Variants in ZFR2 observed in about 807,000 individuals in gnomAD.
ZFR2 encodes zinc finger RNA binding protein 2, also known as zinc finger RNA-binding protein 2.
In ZFR2, 104 loss-of-function variants were observed where a neutral mutation model predicts 105.7. That is an observed-to-expected ratio of 0.98 (90% CI 0.84 to 1.16). The LOEUF is 1.16. Among genes scored for constraint, ZFR2 ranks in the 50% most tolerant of loss-of-function variants. The pLI is 0.00. For missense variants in ZFR2, 1,425 were observed against 1,355.5 expected (o/e 1.05, Z -0.80); for synonymous variants, 634 against 597.7 (o/e 1.06, Z -0.89).
chr19:3,855,481 G>T (rs1328823741), intron 1 of ZFR2: 3 of 1,226,962 alleles, frequency 2.4e-6, no homozygotes, highest in Non-Finnish European at 1.0e-6. Context: ...CTGGGTGCTA[G>T]TGGGGACCAG....
chr19:3,810,986 TC>T, intron 15 of ZFR2, 141 bp from the exon 16 acceptor site: 1 of 956,720 alleles, frequency 1.0e-6, no homozygotes, highest in Non-Finnish European at 1.5e-6. Context: ...GGAAACAGAG[TC>T]CACTCCCACA....
chr19:3,831,796 C>A lies in ZFR2; in HGVS notation c.462G>T (p.Glu154Asp). ...AQPPQQAPIV[E>D]SGQPASTLSS... ...ACAAGGTGCTCGCTGGCTGTCCGGA[C>A]TCCACTATGGGCGCCTGCTGTGGGG... The change falls in exon 4 of 19, where the codon GAG (glutamate) becomes GAT (aspartate). Residue 154 changes from glutamate to aspartate, a missense_variant. Transcript: ENST00000262961. 1 of 1,610,186 alleles carries A rather than the reference C, an allele frequency of 6.2e-7. No individual in the cohort carries two copies. The highest frequency in any genetic ancestry group is 8.5e-7 in the Non-Finnish European group (1 of 1,179,468).
intron 1 of ZFR2, among the ~76,000 whole-genome samples, chr19:3,868,145 G>A (rs1229768913): frequency 1.5e-5 from 2 of 133,244 alleles, no homozygotes; most frequent in Admixed American, 7.8e-5. Context: ...GGTCAGCTCC[G>A]CTCTAGCTCT....
chr19:3,862,964 T>G (rs1437279265), intron 1 of ZFR2, among the ~76,000 whole-genome samples: 2 of 152,230 alleles, frequency 1.3e-5, no homozygotes, highest in African/African-American at 4.8e-5. Flanking sequence ...GCCCACGGTC[T>G]CACTTTCCTG....
At position 3,823,396 on chromosome 19, in the gene ZFR2, A is replaced by C; in HGVS notation, c.1221T>G (p.Pro407=). The change falls in exon 8 of 19, where the codon CCT becomes CCG. Residue 407 remains proline, a synonymous_variant. Coordinates refer to ENST00000262961, the MANE Select transcript of ZFR2 (RefSeq NM_015174.2). The surrounding 1 kb of genome is among the most constrained non-coding windows in gnomAD (Gnocchi z 5.4). ...VASKALCEGP[P]EPQAAGCRPQ... Reference sequence around the variant, plus strand: ...GTCTGCAGCCTGCTGCCTGTGGCTCAGGAGGCCCTGAGGGGAAAAACCATG... The same window carrying C: ...GTCTGCAGCCTGCTGCCTGTGGCTCCGGAGGCCCTGAGGGGAAAAACCATG... 1 of 1,608,486 alleles carries C rather than the reference A, an allele frequency of 6.2e-7. No homozygotes were observed. The highest frequency in any genetic ancestry group is 8.5e-7 in the Non-Finnish European group (1 of 1,177,254).
At chr19:3,845,303 T>C (rs2038175297) in intron 1 of ZFR2, among the ~76,000 whole-genome samples, 1 of 151,388 alleles carries the variant, frequency 6.6e-6, no homozygotes. Context: ...ACCCTGTCTC[T>C]ACAAAATTTT....
chr19:3,823,259 TCCGGGCCCA>T lies in ZFR2; in HGVS notation c.1349_1357del (p.Val450_Pro452del). ...GCCTCGACTTACCTCCTCCACATAT[TCCGGGCCCA>T]CCGGCTGCGCATCAGAGCAGCCCGC... On this transcript the variant is annotated inframe_deletion, in exon 8 of 19. Coordinates refer to ENST00000262961, the MANE Select transcript of ZFR2 (RefSeq NM_015174.2). The surrounding 1 kb of genome is among the most constrained non-coding windows in gnomAD (Gnocchi z 5.4). 6.2e-7 allele frequency: 1 copy of T among 1,613,768 alleles called. No homozygotes were observed. Among genetic ancestry groups the T allele is most frequent in the Non-Finnish European group, 8.5e-7 (1 of 1,179,836 alleles).
At chr19:3,853,717 T>C (rs574382061) in intron 1 of ZFR2, among the ~76,000 whole-genome samples, 2 of 152,208 alleles carry the variant, frequency 1.3e-5, no homozygotes, top group Non-Finnish European at 2.9e-5. Flanking sequence ...GAGTTTCCTT[T>C]TGGGCCGATA....
Position 3,869,037 on chromosome 19 carries a change from C to G in ZFR2, c.-20G>C, listed in dbSNP as rs1216640189. The G allele has an allele frequency of 1.5e-6, 2 of 1,340,836 alleles. No homozygotes were observed. Among genetic ancestry groups the G allele is most frequent in the Non-Finnish European group, 1.9e-6 (2 of 1,037,688 alleles). 83.1% of individuals were successfully genotyped at this position (1,340,836 alleles called of 1,614,324 possible). On this transcript the variant is annotated 5_prime_UTR_variant, in exon 1 of 19. Transcript: ENST00000262961. ...CGCCATCTTGGCGTCTTCCCCGAGC[C>G]TGGCGGACCCGCGACGTCACCCGCC...
intron 1 of ZFR2, among the ~76,000 whole-genome samples, chr19:3,839,622 G>A (rs2038115703): frequency 7.3e-6 from 1 of 137,636 alleles, no homozygotes; most frequent in African/African-American, 2.6e-5. Context: ...CCTTGGGGAT[G>A]ACACTTCTTT....
intron 1 of ZFR2, among the ~76,000 whole-genome samples, chr19:3,835,492 T>A (rs867894493): frequency 0.14 from 20,964 of 147,268 alleles, 1,993 homozygotes; most frequent in African/African-American, 0.27. Context: ...CGCCCAGCCT[T>A]TTTTTTTTTT....
At chr19:3,811,217 AG>A in intron 15 of ZFR2, 54 bp downstream of exon 15, 1 of 1,475,346 alleles carries the variant, frequency 6.8e-7, no homozygotes, top group Non-Finnish European at 9.0e-7. Context: ...GGTGCCTCTG[AG>A]CTACGTTCCT....
At chr19:3,827,402 T>C in intron 6 of ZFR2, 69 bp downstream of exon 6, 2 of 1,436,168 alleles carry the variant, frequency 1.4e-6, no homozygotes, top group Non-Finnish European at 1.8e-6. Context: ...GGTACCTCTG[T>C]GGGTCCCAAG....
rs140766213 is a variant in ZFR2 at position 3,827,723 on chromosome 19, C to T, written c.853-70G>A. 6.5e-3 allele frequency: 9,931 copies of T among 1,523,652 alleles called. 38 individuals are homozygous for T. Among genetic ancestry groups the T allele is most frequent in the Middle Eastern group, 9.3e-3 (51 of 5,486 alleles). 94.4% of individuals were successfully genotyped at this position (1,523,652 alleles called of 1,614,324 possible). A position where few individuals can be genotyped will look rare whatever the true frequency, so the allele number is the denominator to read the frequency against. ...TGGCCACTGTCCCCTCCCCTGCAGGCCCCCGGCTTAGCGCGAGGGAACTCG... is the reference window on the plus strand; with the variant it reads ...TGGCCACTGTCCCCTCCCCTGCAGGTCCCCGGCTTAGCGCGAGGGAACTCG... On this transcript the variant is annotated intron_variant, in intron 5 of 18. Coordinates refer to ENST00000262961, the MANE Select transcript of ZFR2 (RefSeq NM_015174.2).
In ZFR2 at chr19:3,820,301, G is replaced by C; in HGVS notation, c.1632-11C>G. On this transcript the variant is annotated splice_polypyrimidine_tract_variant and intron_variant, in intron 10 of 18. Coordinates refer to ENST00000262961, the MANE Select transcript of ZFR2 (RefSeq NM_015174.2). ...TCCTCCTCCAGCCGCCTGCAGGACCGAGACGTGACAGAGCATGGTCAGGCC... is the reference window on the plus strand; with the variant it reads ...TCCTCCTCCAGCCGCCTGCAGGACCCAGACGTGACAGAGCATGGTCAGGCC... 1 of 1,540,484 alleles carries C rather than the reference G, an allele frequency of 6.5e-7. No individual in the cohort carries two copies. The highest frequency in any genetic ancestry group is 8.7e-7 in the Non-Finnish European group (1 of 1,145,526).
At chr19:3,821,215 T>A in intron 10 of ZFR2, 125 bp downstream of exon 10, 1 of 1,320,950 alleles carries the variant, frequency 7.6e-7, no homozygotes, top group Non-Finnish European at 9.9e-7. Context: ...CGGGCACCCG[T>A]CTCCCCCCAC....
At chr19:3,831,252 T>C (rs2038011039) in intron 5 of ZFR2, 51 bp downstream of exon 5, 1 of 1,444,300 alleles carries the variant, frequency 6.9e-7, no homozygotes. Context: ...GGTTCAGACG[T>C]TGGGGACAGA....
At chr19:3,860,197 AT>A (rs113571842) in intron 1 of ZFR2, among the ~76,000 whole-genome samples, 23,411 of 134,886 alleles carry the variant, frequency 0.17, 2,315 homozygotes, top group African/African-American at 0.31. Context: ...TGCCTGGCTA[AT>A]TTTTTTTTTT....
rs373530026 is a variant in ZFR2, at chr19:3,819,852, C to CAAAAGAAAAA, written c.1740+329_1740+330insTTTTTCTTTT. Among the ~76,000 whole-genome samples the CAAAAGAAAAA allele has an allele frequency of 3.6e-5, 5 of 138,658 alleles. 1 individual carries two copies. Among genetic ancestry groups the CAAAAGAAAAA allele is most frequent in the South Asian group, 2.2e-4 (1 of 4,474 alleles). The allele number at this position is 138,658 out of a possible 152,430, so 91.0% of individuals were successfully genotyped here. ...TGGGCGACAGAGTGAGACTCTGTCT[C>CAAAAGAAAAA]AAAAAAAAATAGTTCCCATCGAACC... On this transcript the variant is annotated intron_variant, in intron 11 of 18. Coordinates refer to ENST00000262961, the MANE Select transcript of ZFR2 (RefSeq NM_015174.2).
Sources: gnomAD v4.1 joint callset for allele counts (sites outside exome capture counted in the v4.1 genomes callset) on GRCh38, gnomAD v4.1.1 for gene constraint, Gnocchi (gnomAD v3.1) non-coding constraint, MANE v1.5 for transcripts, NCBI Gene and HGNC (gene_info 2026-07-23, HGNC 2026-07-21) for gene names.